The following ABCA5 variants were observed in gnomAD, a reference collection of about 807,000 sequenced individuals.
The protein encoded by ABCA5 is cholesterol transporter ABCA5.
Under a neutral mutation model 206.0 loss-of-function variants are expected in ABCA5, and 163 were observed. The ratio of observed to expected loss-of-function variants is 0.79; its 90% confidence interval spans 0.70 to 0.90. ABCA5 has a LOEUF of 0.90. ABCA5 is among the 40% of genes least tolerant of loss of function. ABCA5 has a pLI of 0.00. For synonymous variants in ABCA5, 609 were observed against 613.8 expected (o/e 0.99, Z 0.11); for missense variants, 1,859 against 1,912.9 (o/e 0.97, Z 0.53).
Position 69,287,705 on chromosome 17 carries a change from C to A in ABCA5, c.1949G>T (p.Arg650Leu), listed in dbSNP as rs746299297. 1 of 1,613,776 alleles carries A rather than the reference C, an allele frequency of 6.2e-7. No homozygotes were observed. Among genetic ancestry groups the A allele is most frequent in the Non-Finnish European group, 8.5e-7 (1 of 1,179,822 alleles). The change falls in exon 15 of 39, where the codon CGA (arginine) becomes CTA (leucine). Residue 650 changes from arginine to leucine, a missense_variant. By Grantham distance (102) the Arg-to-Leu change is moderately radical. Transcript: ENST00000392676. ...TTTTAAAAGATTCCATACAATATGTCGAGAACAGGGGTCCATTCCAGCTGT... is the reference window on the plus strand; with the variant it reads ...TTTTAAAAGATTCCATACAATATGTAGAGAACAGGGGTCCATTCCAGCTGT... The part of the protein sequence containing the change: ...EPTAGMDPCS[R>L]HIVWNLLKYR...
chr17:69,300,478 T>C (rs1360403414), intron 9 of ABCA5, among the ~76,000 whole-genome samples: 2 of 152,172 alleles, frequency 1.3e-5, no homozygotes, highest in Admixed American at 1.3e-4. Context: ...ACAACTTTTA[T>C]AATGGTCAAA....
chr17:69,291,393 T>C (rs76276838), intron 11 of ABCA5, 67 bp from the exon 12 acceptor site: 54,910 of 996,776 alleles, frequency 0.055, 1,815 homozygotes, highest in African/African-American at 0.079. Flanking sequence ...TGATAATTCA[T>C]AATATTTGAG....
intron 20 of ABCA5, among the ~76,000 whole-genome samples, chr17:69,273,724 G>C (rs2075299957): frequency 6.6e-6 from 1 of 152,042 alleles, no homozygotes; most frequent in Non-Finnish European, 1.5e-5. Flanking sequence ...CCAAAGTGCT[G>C]GGATTACAGG....
At chr17:69,281,063 A>T (rs182649977) in intron 18 of ABCA5, among the ~76,000 whole-genome samples, 88 of 151,454 alleles carry the variant, frequency 5.8e-4, no homozygotes, top group Middle Eastern at 3.4e-3. Context: ...AATAAATAAA[A>T]AAATAAAATT....
At chr17:69,270,965 C>G (rs1413221575) in intron 21 of ABCA5, among the ~76,000 whole-genome samples, 197 bp downstream of exon 21, 1 of 151,678 alleles carries the variant, frequency 6.6e-6, no homozygotes, top group Admixed American at 6.6e-5. Flanking sequence ...TTTTAAAAAA[C>G]TAAATTTCTG....
At chr17:69,303,942 A>G (rs2075689121) in intron 7 of ABCA5, among the ~76,000 whole-genome samples, 1 of 146,964 alleles carries the variant, frequency 6.8e-6, no homozygotes, top group African/African-American at 2.5e-5. Flanking sequence ...GCTACTCAGG[A>G]GGCTGAGGTT....
intron 10 of ABCA5, 29 bp downstream of exon 10, chr17:69,297,162 T>C (rs749760393): frequency 2.1e-5 from 34 of 1,593,806 alleles, no homozygotes; most frequent in Non-Finnish European, 2.7e-5. Context: ...GCAGTTCTTA[T>C]ACCTAAATTG....
At chr17:69,274,661 C>G (rs2075310921) in intron 19 of ABCA5, among the ~76,000 whole-genome samples, 1 of 151,574 alleles carries the variant, frequency 6.6e-6, no homozygotes, top group South Asian at 2.1e-4. Flanking sequence ...AAAGCCAATA[C>G]TGTACGACAA....
rs202029996 is a variant in ABCA5 at position 69,274,002 on chromosome 17, T to C, written c.2721A>G (p.Lys907=). 3.7e-6 allele frequency: 6 copies of C among 1,609,048 alleles called. No homozygotes were observed. The Admixed American group carries it at 8.5e-5, about 23-fold the overall frequency. ...GCAGACTTGTTTTGTATTTATGTGG[T>C]TTGTCTCCAGGTTTTAGAAAATATA... ...PDLYFLKPGD[K]PHKYKTSLLL... is the part of the protein sequence containing the mutation. The change falls in exon 20 of 39, where the codon AAA becomes AAG. Residue 907 remains lysine, a synonymous_variant. Transcript: ENST00000392676.
Position 69,289,406 on chromosome 17 carries a change from A to G in ABCA5, c.1783-110T>C, listed in dbSNP as rs1205917939. The G allele has an allele frequency of 3.4e-6, 3 of 879,938 alleles. No individual in the cohort carries two copies. The African/African-American group carries it at 5.3e-5, about 16-fold the overall frequency. The allele number at this position is 879,938 out of a possible 1,614,324, so 54.5% of individuals were successfully genotyped here. On this transcript the variant is annotated intron_variant, in intron 13 of 38. Transcript: ENST00000392676. Reference sequence around the variant, plus strand: ...TTTTAATGTGTTAGATATTTAAGTAACATAGGTTTTTAAATAATTTTAATA... The same window carrying G: ...TTTTAATGTGTTAGATATTTAAGTAGCATAGGTTTTTAAATAATTTTAATA...
At chr17:69,274,173 A>G (rs757327004) in intron 19 of ABCA5, 45 bp from the exon 20 acceptor site, 5 of 1,477,608 alleles carry the variant, frequency 3.4e-6, no homozygotes, top group Non-Finnish European at 4.5e-6. Context: ...ACAAAGGTAC[A>G]TTAATATGAA....
At chr17:69,292,994 C>A (rs1465706328) in intron 11 of ABCA5, among the ~76,000 whole-genome samples, 1 of 151,780 alleles carries the variant, frequency 6.6e-6, no homozygotes, top group South Asian at 2.1e-4. Context: ...AAACTAAAAC[C>A]CTATTAGTAT....
chr17:69,252,696 G>A (rs1417996598), intron 34 of ABCA5, among the ~76,000 whole-genome samples: 1 of 152,012 alleles, frequency 6.6e-6, no homozygotes, highest in African/African-American at 2.4e-5. Context: ...AATTAGCCGG[G>A]CTTGGTGGCT....
chr17:69,274,897 G>A (rs1359982720), intron 19 of ABCA5, among the ~76,000 whole-genome samples: 2 of 134,452 alleles, frequency 1.5e-5, no homozygotes, highest in African/African-American at 5.6e-5. Flanking sequence ...AGGCTGGAGT[G>A]CAGTGGTGTG....
Position 69,261,197 on chromosome 17 carries a change from A to G in ABCA5, c.3492T>C (p.Thr1164=). 1.9e-6 allele frequency: 3 copies of G among 1,609,646 alleles called. No individual in the cohort carries two copies. Among genetic ancestry groups the G allele is most frequent in the Non-Finnish European group, 2.5e-6 (3 of 1,177,630 alleles). The change falls in exon 26 of 39, where the codon ACT becomes ACC. Residue 1164 remains threonine (T), a synonymous_variant. Coordinates refer to ENST00000392676, the MANE Select transcript of ABCA5 (RefSeq NM_172232.4). ...TGATACAAAAGGCATAATGAAGAAT[A>G]GTTGCAATTGTGTATCCCATAAAGA... ...ITFFMGYTIA[T]ILHYAFCIII...
chr17:69,321,747 G>C (rs922207251), intron 1 of ABCA5, among the ~76,000 whole-genome samples: 2 of 151,844 alleles, frequency 1.3e-5, no homozygotes, highest in African/African-American at 4.8e-5. Flanking sequence ...GGCACAAAGA[G>C]AAATACGGGT....
Position 69,247,636 on chromosome 17 carries a change from T to C in ABCA5, c.4830A>G (p.Val1610=), listed in dbSNP as rs1343189621. The change falls in exon 39 of 39, where the codon GTA becomes GTG. Residue 1610 remains valine, a synonymous_variant. Transcript: ENST00000392676. ...FSQATLEQVF[V]ELTKEQEEED... ...CCTCCTCTTGTTCTTTAGTGAGTTC[T>C]ACAAAAACCTAGGTGAAAAGAAATA... 2 of 1,596,750 alleles carry C rather than the reference T, an allele frequency of 1.3e-6. No homozygotes were observed. Among genetic ancestry groups the C allele is most frequent in the East Asian group, 2.2e-5 (1 of 44,574 alleles).
At chr17:69,259,005 G>A (rs1016142593) in intron 28 of ABCA5, among the ~76,000 whole-genome samples, 11 of 151,932 alleles carry the variant, frequency 7.2e-5, no homozygotes, top group African/African-American at 1.9e-4. Context: ...CATTCCTAGC[G>A]GGAGTGTAAA....
At chr17:69,316,499 A>G (rs962303701) in intron 1 of ABCA5, among the ~76,000 whole-genome samples, 1 of 151,864 alleles carries the variant, frequency 6.6e-6, no homozygotes, top group Non-Finnish European at 1.5e-5. Flanking sequence ...AGAAAAAAAA[A>G]AAGAAGAAAA....
Sources: gnomAD v4.1 joint callset for allele counts (sites outside exome capture counted in the v4.1 genomes callset) on GRCh38, gnomAD v4.1.1 for gene constraint, MANE v1.5 for transcripts, NCBI Gene and HGNC (gene_info 2026-07-23, HGNC 2026-07-21) for gene names.